PKIB: variants seen among roughly 807,000 people sequenced by gnomAD.
PKIB encodes PKI-beta.
In PKIB, 2 loss-of-function variants were observed where a neutral mutation model predicts 4.5. That is an observed-to-expected ratio of 0.44 (90% confidence interval 0.18 to 1.39). The LOEUF (loss-of-function observed/expected upper bound fraction) is 1.39, where lower values mean the gene tolerates loss of function less well. Ranked by LOEUF, PKIB falls within the 40% of genes most tolerant of loss-of-function variation. The pLI, the probability that PKIB is intolerant of heterozygous loss-of-function variation, is 0.27. For missense variants in PKIB, 94 were observed against 92.6 expected (o/e 1.02, Z -0.06); for synonymous variants, 38 against 36.0 (o/e 1.06, Z -0.20).
rs79761621 is a variant in PKIB, at chr6:122,573,378, A to T, written c.-247-12543A>T. On this transcript the variant is annotated intron_variant, in intron 2 of 6. Transcript: ENST00000392491. Reference sequence around the variant, plus strand: ...CCCCATCTCTACAAAAAATACAAAAATTCGCTGGTAGTACACACATGTTCT... The same window carrying T: ...CCCCATCTCTACAAAAAATACAAAATTTCGCTGGTAGTACACACATGTTCT... Among the ~76,000 whole-genome samples, 87 of 152,008 alleles carry T rather than the reference A, an allele frequency of 5.7e-4. No individual in the cohort carries two copies. In the East Asian group the frequency reaches 0.011, roughly 20 times the overall value.
chr6:122,620,037 A>C (rs1775160656), intron 1 of PKIB, among the ~76,000 whole-genome samples: 1 of 152,088 alleles, frequency 6.6e-6, no homozygotes, highest in African/African-American at 2.4e-5. Flanking sequence ...TTATAATCTC[A>C]GAGTAGTAGA....
At chr6:122,714,941 T>C (rs1440608355) in intron 3 of PKIB, among the ~76,000 whole-genome samples, 1 of 151,552 alleles carries the variant, frequency 6.6e-6, no homozygotes, top group Non-Finnish European at 1.5e-5. Context: ...TGAGCCACCA[T>C]ACCTGACTAT....
At chr6:122,626,463 C>T (rs994441251) in intron 1 of PKIB, among the ~76,000 whole-genome samples, 2 of 152,110 alleles carry the variant, frequency 1.3e-5, no homozygotes, top group Non-Finnish European at 2.9e-5. Context: ...ACAGCTGTAA[C>T]AGAAAGCATC....
At chr6:122,495,565 G>T (rs1035616816) in intron 2 of PKIB, among the ~76,000 whole-genome samples, 1 of 152,120 alleles carries the variant, frequency 6.6e-6, no homozygotes, top group East Asian at 1.9e-4. Context: ...AGTCATATAT[G>T]CTATCTAGTG....
chr6:122,596,501 C>G (rs753926737), intron 3 of PKIB, among the ~76,000 whole-genome samples: 2 of 152,172 alleles, frequency 1.3e-5, no homozygotes, highest in Non-Finnish European at 2.9e-5. Context: ...CACTTTATGG[C>G]TAGATGGGTC....
At chr6:122,723,550 T>G (rs1258181685) in intron 4 of PKIB, among the ~76,000 whole-genome samples, 2 of 152,142 alleles carry the variant, frequency 1.3e-5, no homozygotes, top group East Asian at 3.9e-4. Flanking sequence ...AATCTGCCAT[T>G]TTTCACTCAC....
At chr6:122,531,734 G>T (rs1489741784) in intron 2 of PKIB, among the ~76,000 whole-genome samples, 2 of 152,150 alleles carry the variant, frequency 1.3e-5, no homozygotes, top group Non-Finnish European at 2.9e-5. Context: ...CCCAGGGATA[G>T]CACATTGTTC....
chr6:122,618,194 C>T (rs1775072984), intron 1 of PKIB, among the ~76,000 whole-genome samples: 1 of 151,916 alleles, frequency 6.6e-6, no homozygotes, highest in African/African-American at 2.4e-5. Context: ...AGAAACATAC[C>T]CAAACGATTA....
At chr6:122,622,326 G>C (rs1775272111) in intron 1 of PKIB, among the ~76,000 whole-genome samples, 1 of 151,454 alleles carries the variant, frequency 6.6e-6, no homozygotes, top group Non-Finnish European at 1.5e-5. Context: ...TAAATACTTA[G>C]ACTATTTTTG....
intron 3 of PKIB, among the ~76,000 whole-genome samples, chr6:122,706,920 C>T (rs1034740058): frequency 6.6e-6 from 1 of 151,914 alleles, no homozygotes; most frequent in African/African-American, 2.4e-5. Flanking sequence ...TATTTTAAAA[C>T]TAATATATGC....
rs538399649 is a variant in PKIB at position 122,524,343 on chromosome 6, TTCCTCCTCCTCCTCCTCCTCTTTTTCTTC to T, written c.-248+46418_-248+46446del. Among the ~76,000 whole-genome samples the T allele has an allele frequency of 2.2e-3, 322 of 148,350 alleles. 8 individuals are homozygous for T. In the East Asian group the frequency reaches 0.043, roughly 20 times the overall value. Reference sequence around the variant, plus strand: ...CTCTTCCTCCTCCTCCTTCTTCTTCTTCCTCCTCCTCCTCCTCCTCTTTTTCTTCTCCTCCTCCTCCTTCCTTTTCTTCT... The same window carrying T: ...CTCTTCCTCCTCCTCCTTCTTCTTCTTCCTCCTCCTCCTTCCTTTTCTTCT... On this transcript the variant is annotated intron_variant, in intron 2 of 6. Transcript: ENST00000392491.
At chr6:122,488,869 T>C (rs1021110340) in intron 2 of PKIB, among the ~76,000 whole-genome samples, 4 of 152,200 alleles carry the variant, frequency 2.6e-5, no homozygotes, top group Non-Finnish European at 5.9e-5. Flanking sequence ...TCTATCTCTG[T>C]CTATCTAAGA....
At chr6:122,539,956 A>G (rs1447437089) in intron 2 of PKIB, among the ~76,000 whole-genome samples, 1 of 151,962 alleles carries the variant, frequency 6.6e-6, no homozygotes, top group East Asian at 1.9e-4. Flanking sequence ...TAGATTTTCT[A>G]GTTTATTTGG....
At chr6:122,613,785 G>C (rs1206678866) in intron 1 of PKIB, among the ~76,000 whole-genome samples, 7 of 151,884 alleles carry the variant, frequency 4.6e-5, no homozygotes, top group Admixed American at 3.9e-4. Flanking sequence ...CCAACATGGT[G>C]AAACCCCGTC....
chr6:122,670,315 G>C, intron 2 of PKIB, among the ~76,000 whole-genome samples: 1 of 152,094 alleles, frequency 6.6e-6, no homozygotes, highest in Non-Finnish European at 1.5e-5. Flanking sequence ...GGGGAGAGGA[G>C]CAAATAGCAG....
chr6:122,473,561 A>G (rs1775368749), intron 1 of PKIB, among the ~76,000 whole-genome samples: 1 of 152,214 alleles, frequency 6.6e-6, no homozygotes, highest in Admixed American at 6.5e-5. Flanking sequence ...TTAAGTTATT[A>G]TATATACAAC....
chr6:122,680,431 A>AAT (rs1481512274), intron 3 of PKIB, among the ~76,000 whole-genome samples: 5 of 152,228 alleles, frequency 3.3e-5, no homozygotes, highest in African/African-American at 4.8e-5. Context: ...GGGGTTCTTC[A>AAT]GACCTATGGT....
At chr6:122,483,157 T>C (rs1775675254) in intron 2 of PKIB, 1 of 152,182 alleles carries the variant, frequency 6.6e-6, no homozygotes. Flanking sequence ...AAGTTATCTC[T>C]TTTTCTTCTG....
In PKIB at chr6:122,674,230, G is replaced by T. The variant is rs116868510; in HGVS notation, c.-75-848G>T. Among the ~76,000 whole-genome samples the T allele has an allele frequency of 5.0e-3, 769 of 152,298 alleles. 3 individuals carry two copies. Among genetic ancestry groups the T allele is most frequent in the Non-Finnish European group, 9.1e-3 (622 of 68,016 alleles). On this transcript the variant is annotated intron_variant, in intron 2 of 4. Transcript: ENST00000368452. ...AACTAATAAGGGTTAATTGTAGAAT[G>T]ATCATGACTATATTTACTTTGAAAT...
Sources: gnomAD v4.1 joint callset for allele counts (sites outside exome capture counted in the v4.1 genomes callset) on GRCh38, gnomAD v4.1.1 for gene constraint, MANE v1.5 for transcripts, NCBI Gene and HGNC (gene_info 2026-07-23, HGNC 2026-07-21) for gene names.